TSHZ2: variants seen among roughly 807,000 people sequenced by gnomAD.
TSHZ2 encodes the protein teashirt homolog 2.
TSHZ2 carries 21 observed loss-of-function variants against 74.4 expected under a neutral mutation model. The observed-to-expected ratio is 0.28, with a 90% confidence interval of 0.20 to 0.41. TSHZ2 has a LOEUF of 0.41. TSHZ2 is among the 10% of genes least tolerant of loss of function. The probability of loss-of-function intolerance (pLI) is 1.00; values close to 1 mark genes in which losing one functional copy is unlikely to be tolerated. For synonymous variants in TSHZ2, 540 were observed against 515.3 expected (o/e 1.05, Z -0.65); for missense variants, 1,244 against 1,293.5 (o/e 0.96, Z 0.59).
At chr20:53,465,019 C>T (rs1034014050) in intron 2 of TSHZ2, among the ~76,000 whole-genome samples, 9 of 152,132 alleles carry the variant, frequency 5.9e-5, no homozygotes, top group African/African-American at 1.9e-4. Flanking sequence ...GCATCCTGGG[C>T]AACTTGGGTT....
intron 2 of TSHZ2, among the ~76,000 whole-genome samples, chr20:53,479,545 T>A (rs1986089332): frequency 6.6e-6 from 1 of 152,276 alleles, no homozygotes; most frequent in Non-Finnish European, 1.5e-5. Flanking sequence ...GGCAAATAAC[T>A]CCCATTAAAT....
chr20:53,451,233 T>C (rs745356734), intron 2 of TSHZ2, among the ~76,000 whole-genome samples: 1 of 152,200 alleles, frequency 6.6e-6, no homozygotes, highest in Non-Finnish European at 1.5e-5. Context: ...CAGTTTCTGG[T>C]TTATAACTCT....
chr20:53,260,194 T>A (rs777970389), intron 2 of TSHZ2, among the ~76,000 whole-genome samples: 5 of 152,232 alleles, frequency 3.3e-5, no homozygotes, highest in Non-Finnish European at 5.9e-5. Context: ...AACCAGAAGT[T>A]CTACCAATTG....
rs1360811845 is a variant in TSHZ2, at chr20:52,973,260, G to A, written c.-34G>A. 1.9e-6 allele frequency: 3 copies of A among 1,551,740 alleles called. No homozygotes were observed. The highest frequency in any genetic ancestry group is 1.2e-5 in the South Asian group (1 of 84,060). ...GGCCCCAGCGCGCGGCTCGGGGCTG[G>A]GGCGCCAGAAGTGGGACTGGAGCGA... is the stretch of plus-strand genomic sequence containing the variant. On this transcript the variant is annotated 5_prime_UTR_variant, in exon 1 of 3. An upstream open reading frame in the 5' UTR gains an earlier in-frame stop. Transcript: ENST00000371497.
At chr20:53,006,703 T>A (rs551925319) in intron 1 of TSHZ2, among the ~76,000 whole-genome samples, 14 of 152,222 alleles carry the variant, frequency 9.2e-5, no homozygotes, top group Non-Finnish European at 1.9e-4. Context: ...TAAACTGCCA[T>A]TTTATAAACT....
chr20:53,176,293 T>C (rs537123827), intron 1 of TSHZ2, among the ~76,000 whole-genome samples: 45 of 152,326 alleles, frequency 3.0e-4, no homozygotes, highest in Non-Finnish European at 5.6e-4. Context: ...ACTGAAATAG[T>C]TCTTTGCCCT....
intron 1 of TSHZ2, among the ~76,000 whole-genome samples, chr20:53,152,745 C>G (rs1235070957): frequency 2.0e-5 from 3 of 152,174 alleles, no homozygotes; most frequent in African/African-American, 7.2e-5. Flanking sequence ...TGTCTGACAC[C>G]TATGGTTTTA....
chr20:53,341,228 T>A (rs1201513864), intron 2 of TSHZ2, among the ~76,000 whole-genome samples: 4 of 152,146 alleles, frequency 2.6e-5, no homozygotes, highest in Non-Finnish European at 5.9e-5. Flanking sequence ...GCTTCCCTTA[T>A]CCACCTCCGA....
At chr20:53,164,690 C>G (rs926877251) in intron 1 of TSHZ2, among the ~76,000 whole-genome samples, 3 of 152,130 alleles carry the variant, frequency 2.0e-5, no homozygotes, top group African/African-American at 7.2e-5. Flanking sequence ...CTGCACTGTT[C>G]TGAAGGATTA....
intron 1 of TSHZ2, among the ~76,000 whole-genome samples, chr20:53,052,736 G>T (rs540913866): frequency 5.5e-4 from 83 of 152,132 alleles, no homozygotes; most frequent in Admixed American, 1.2e-3. Flanking sequence ...TGGCTATTAC[G>T]AATAATGCTA....
chr20:53,241,639 T>C (rs1990073619), intron 1 of TSHZ2, among the ~76,000 whole-genome samples: 1 of 152,118 alleles, frequency 6.6e-6, no homozygotes, highest in South Asian at 2.1e-4. Flanking sequence ...TCTTCATGAC[T>C]AGGTTTTTGT....
chr20:53,430,386 T>C (rs1050591813), intron 2 of TSHZ2, among the ~76,000 whole-genome samples: 1 of 151,940 alleles, frequency 6.6e-6, no homozygotes, highest in Non-Finnish European at 1.5e-5. Context: ...ATTACAGGCA[T>C]GAGCCACTGC....
intron 1 of TSHZ2, among the ~76,000 whole-genome samples, chr20:53,224,033 A>T (rs964151577): frequency 6.6e-6 from 1 of 152,168 alleles, no homozygotes; most frequent in Non-Finnish European, 1.5e-5. Flanking sequence ...GCAAGATGTT[A>T]TCATTGAGGG....
chr20:53,157,416 T>C (rs1053779483), intron 1 of TSHZ2, among the ~76,000 whole-genome samples: 2 of 151,342 alleles, frequency 1.3e-5, no homozygotes, highest in Non-Finnish European at 1.5e-5. Context: ...GTTTTTTTTT[T>C]TTTTTTTAGA....
chr20:53,077,570 T>A (rs1375580054), intron 1 of TSHZ2, among the ~76,000 whole-genome samples: 1 of 151,966 alleles, frequency 6.6e-6, no homozygotes, highest in African/African-American at 2.4e-5. Flanking sequence ...CAATTCTGGA[T>A]GATCCAGAGA....
rs11481015 is a variant in TSHZ2, at chr20:53,488,835, T to TAA, written c.*1714_*1715dup. 0.022 allele frequency: 6,768 copies of TAA among 301,208 alleles called. No homozygotes were observed. The highest frequency in any genetic ancestry group is 0.03 in the South Asian group (1,094 of 36,104). The allele number at this position is 301,208 out of a possible 1,614,324, so 18.7% of individuals were successfully genotyped here. A position where few individuals can be genotyped will look rare whatever the true frequency, so the allele number is the denominator to read the frequency against. On this transcript the variant is annotated 3_prime_UTR_variant, in exon 3 of 3. Transcript: ENST00000371497. ...TGATCCCTAAATTCAACATTGGGATTAAAAAAAAAAAAAAACTTCTTATTT... is the reference window on the plus strand; with the variant it reads ...TGATCCCTAAATTCAACATTGGGATTAAAAAAAAAAAAAAAAACTTCTTATTT...
chr20:53,183,570 A>G (rs1194542346), intron 1 of TSHZ2, among the ~76,000 whole-genome samples: 1 of 152,176 alleles, frequency 6.6e-6, no homozygotes. Context: ...GTGTGTGAGC[A>G]GATCCTTCAT....
chr20:53,061,918 A>G (rs1984835040), intron 1 of TSHZ2, among the ~76,000 whole-genome samples: 1 of 152,178 alleles, frequency 6.6e-6, no homozygotes, highest in Non-Finnish European at 1.5e-5. Context: ...AGCTTTTCTG[A>G]TATCATTTTC....
At chr20:53,065,516 T>C (rs1031788193) in intron 1 of TSHZ2, among the ~76,000 whole-genome samples, 2 of 152,234 alleles carry the variant, frequency 1.3e-5, no homozygotes, top group Non-Finnish European at 2.9e-5. Flanking sequence ...GTTTCAGGGA[T>C]GTTGCAAACC....
Sources: allele counts gnomAD v4.1 joint callset (sites outside exome capture counted in the v4.1 genomes callset), GRCh38; gene constraint gnomAD v4.1.1; transcripts MANE v1.5; gene names NCBI Gene and HGNC (gene_info 2026-07-23, HGNC 2026-07-21).